SLC8A1: variants seen among roughly 807,000 people sequenced by gnomAD.
The protein encoded by SLC8A1 is solute carrier family 8 member A1, also known as sodium/calcium exchanger 1.
Under a neutral mutation model 68.3 loss-of-function variants are expected in SLC8A1, and 18 were observed. The ratio of observed to expected loss-of-function variants is 0.26; its 90% CI spans 0.18 to 0.39. The LOEUF (loss-of-function observed/expected upper bound fraction) is 0.39. Ranked by LOEUF, SLC8A1 falls within the 10% of genes least tolerant of loss-of-function variation. SLC8A1 has a pLI of 1.00. For missense variants in SLC8A1, 985 were observed against 1,156.7 expected, an observed-to-expected ratio of 0.85 and a Z score of 2.15; for synonymous variants, 475 against 415.5, an observed-to-expected ratio of 1.14 and a Z score of -1.74.
intron 2 of SLC8A1, among the ~76,000 whole-genome samples, chr2:40,413,556 G>A (rs1375052019): frequency 6.6e-6 from 1 of 152,134 alleles, no homozygotes; most frequent in Non-Finnish European, 1.5e-5. Context: ...GAATTCAGAA[G>A]TTAATAACAT....
At chr2:40,157,087 C>G (rs943825259) in intron 6 of SLC8A1, among the ~76,000 whole-genome samples, 1 of 152,058 alleles carries the variant, frequency 6.6e-6, no homozygotes, top group Non-Finnish European at 1.5e-5. Flanking sequence ...AGAAGTTAAC[C>G]AGTGTGTTTT....
intron 2 of SLC8A1, among the ~76,000 whole-genome samples, chr2:40,280,798 GA>G (rs1238902810): frequency 6.6e-6 from 1 of 152,210 alleles, no homozygotes; most frequent in Non-Finnish European, 1.5e-5. Flanking sequence ...AGTCTTTGAA[GA>G]CCCTGTAACA....
At chr2:40,397,213 C>G (rs891190172) in intron 2 of SLC8A1, among the ~76,000 whole-genome samples, 3 of 152,174 alleles carry the variant, frequency 2.0e-5, no homozygotes, top group Admixed American at 2.0e-4. Flanking sequence ...TTCCTTTTCT[C>G]TCTTTCTGAA....
intron 2 of SLC8A1, among the ~76,000 whole-genome samples, chr2:40,318,716 A>T (rs1164167008): frequency 1.3e-5 from 2 of 152,066 alleles, no homozygotes; most frequent in East Asian, 3.9e-4. Context: ...TTATTTACTA[A>T]CTGCAATTGA....
chr2:40,414,219 G>C (rs1393526756), intron 2 of SLC8A1, among the ~76,000 whole-genome samples: 1 of 152,138 alleles, frequency 6.6e-6, no homozygotes, highest in East Asian at 1.9e-4. Flanking sequence ...TGTTGATTTT[G>C]TTGGAAAACA....
intron 6 of SLC8A1, among the ~76,000 whole-genome samples, chr2:40,149,634 T>C (rs79172772): frequency 1.2e-3 from 178 of 152,324 alleles, no homozygotes; most frequent in African/African-American, 3.9e-3. Flanking sequence ...GAGGATTGAC[T>C]TGGGAATCAG....
chr2:40,396,747 C>CT (rs1576081152), intron 2 of SLC8A1, among the ~76,000 whole-genome samples: 2 of 23,490 alleles, frequency 8.5e-5, no homozygotes, highest in East Asian at 1.8e-3. Flanking sequence ...TCTCTAATAA[C>CT]TAAAAAAAAA....
chr2:40,272,096 T>C (rs915471481), intron 2 of SLC8A1, among the ~76,000 whole-genome samples: 1 of 152,138 alleles, frequency 6.6e-6, no homozygotes, highest in African/African-American at 2.4e-5. Context: ...CCGGAACGCC[T>C]GGTCGCAAAT....
chr2:40,189,055 G>A (rs1444161334), intron 2 of SLC8A1, among the ~76,000 whole-genome samples: 1 of 152,098 alleles, frequency 6.6e-6, no homozygotes, highest in East Asian at 1.9e-4. Context: ...ATATCAAGGG[G>A]TAGACTAGTA....
At chr2:40,150,819 A>G (rs2043278981) in intron 6 of SLC8A1, among the ~76,000 whole-genome samples, 1 of 152,176 alleles carries the variant, frequency 6.6e-6, no homozygotes, top group Non-Finnish European at 1.5e-5. Flanking sequence ...ACCCTCTCGT[A>G]CTTCCACCTT....
chr2:40,200,233 TATATAA>T (rs2054029305), intron 2 of SLC8A1, among the ~76,000 whole-genome samples: 11 of 32,186 alleles, frequency 3.4e-4, no homozygotes, highest in Non-Finnish European at 7.3e-4. Context: ...TTTATATATA[TATATAA>T]ATATATATAT....
chr2:40,338,330 AGTGT>A (rs1254221391), intron 2 of SLC8A1, among the ~76,000 whole-genome samples: 3 of 151,990 alleles, frequency 2.0e-5, no homozygotes, highest in Admixed American at 6.6e-5. Context: ...AACAAACAAC[AGTGT>A]GTGTGTGTAT....
At chr2:40,499,483 G>A (rs1705914517) in intron 1 of SLC8A1, among the ~76,000 whole-genome samples, 1 of 152,104 alleles carries the variant, frequency 6.6e-6, no homozygotes, top group African/African-American at 2.4e-5. Context: ...AGCAAAAGGT[G>A]AGTTGTTCCC....
At chr2:40,407,215 A>G (rs900998610) in intron 2 of SLC8A1, among the ~76,000 whole-genome samples, 1 of 152,048 alleles carries the variant, frequency 6.6e-6, no homozygotes, top group African/African-American at 2.4e-5. Context: ...ACAGGTGCCC[A>G]CCACCGGGCA....
intron 3 of SLC8A1, among the ~76,000 whole-genome samples, chr2:40,176,397 G>A (rs1463587567): frequency 1.3e-5 from 2 of 152,168 alleles, no homozygotes; most frequent in Non-Finnish European, 2.9e-5. Flanking sequence ...TTCTTTGGAG[G>A]AATACATTGA....
intron 2 of SLC8A1, among the ~76,000 whole-genome samples, chr2:40,385,350 A>C (rs1164410649): frequency 6.8e-6 from 1 of 146,694 alleles, no homozygotes; most frequent in Non-Finnish European, 1.5e-5. Flanking sequence ...ACACTTAAAG[A>C]AAGTTGTCTT....
intron 1 of SLC8A1, among the ~76,000 whole-genome samples, chr2:40,493,114 G>A (rs940336947): frequency 1.3e-5 from 2 of 152,076 alleles, no homozygotes; most frequent in Non-Finnish European, 2.9e-5. Context: ...AACAATAATA[G>A]ACTGAATTAA....
At chr2:40,287,357 G>C (rs757279644) in intron 2 of SLC8A1, among the ~76,000 whole-genome samples, 3 of 152,074 alleles carry the variant, frequency 2.0e-5, no homozygotes, top group Admixed American at 1.3e-4. Context: ...AAAATATGTT[G>C]GCAGCAGTCT....
intron 6 of SLC8A1, among the ~76,000 whole-genome samples, chr2:40,142,096 T>A (rs993220779): frequency 3.3e-5 from 5 of 152,200 alleles, no homozygotes; most frequent in Non-Finnish European, 5.9e-5. Context: ...CCTCTCTATA[T>A]CATGACGTGG....
Sources: gnomAD v4.1 joint callset for allele counts (sites outside exome capture counted in the v4.1 genomes callset) on GRCh38, gnomAD v4.1.1 for gene constraint, MANE v1.5 for transcripts, NCBI Gene and HGNC (gene_info 2026-07-23, HGNC 2026-07-21) for gene names.